SGMS1: variants seen among roughly 807,000 people sequenced by gnomAD.
SGMS1 encodes the protein sphingomyelin synthase 1.
In SGMS1, 13 loss-of-function variants were observed where a neutral mutation model predicts 46.2. The observed-to-expected ratio is 0.28, with a 90% CI of 0.18 to 0.45. The LOEUF (loss-of-function observed/expected upper bound fraction) is 0.45. Ranked by LOEUF, SGMS1 falls within the 20% of genes least tolerant of loss-of-function variation. The pLI, the probability that SGMS1 is intolerant of heterozygous loss-of-function variation, is 1.00. For missense variants in SGMS1, 324 were observed against 519.9 expected, an observed-to-expected ratio of 0.62 and a Z score of 3.66; for synonymous variants, 203 against 187.8, an observed-to-expected ratio of 1.08 and a Z score of -0.66.
rs57863390 is a variant in SGMS1, at chr10:50,563,290, G to C, written c.-589+26863C>G. Among the ~76,000 whole-genome samples, 507 of 152,302 alleles carry C rather than the reference G, an allele frequency of 3.3e-3. 1 individual carries two copies. Among genetic ancestry groups the C allele is most frequent in the Middle Eastern group, 0.014 (4 of 294 alleles). On this transcript the variant is annotated intron_variant, in intron 2 of 10. Transcript: ENST00000361781. ...ACTCCAAGACCATGCCTACAGGGCG[G>C]GCAGTCTGTACACACAGGGCAAACG...
At chr10:50,341,317 T>C (rs1455518173) in intron 7 of SGMS1, 1 of 455,948 alleles carries the variant, frequency 2.2e-6, no homozygotes, top group Non-Finnish European at 4.4e-6. Flanking sequence ...GTGGGCCAGA[T>C]ACACTGAAGA....
In SGMS1 at chr10:50,391,089, T is replaced by C. The variant is rs181430851; in HGVS notation, c.-232+42387A>G. ...CATCTCCAAGACCTGGTCAGAGGTA[T>C]TGAGAATTTTCCAAACAAAAGACAA... On this transcript the variant is annotated intron_variant, in intron 6 of 10. Coordinates refer to ENST00000361781, the MANE Select transcript of SGMS1 (RefSeq NM_147156.4). Among the ~76,000 whole-genome samples, 17 of 152,276 alleles carry C rather than the reference T, an allele frequency of 1.1e-4. No individual in the cohort carries two copies. The East Asian group carries it at 2.7e-3, about 24-fold the overall frequency.
intron 7 of SGMS1, among the ~76,000 whole-genome samples, chr10:50,329,561 T>C (rs1187013800): frequency 6.6e-6 from 1 of 152,236 alleles, no homozygotes; most frequent in African/African-American, 2.4e-5. Flanking sequence ...AGGATAAAAG[T>C]GTTTCAAGAA....
At chr10:50,458,339 C>CTCTTTTTTTTTTTTTTTTTTTTTT (rs1486288081) in intron 5 of SGMS1, among the ~76,000 whole-genome samples, 1 of 97,140 alleles carries the variant, frequency 1.0e-5, no homozygotes, top group Non-Finnish European at 1.9e-5. Context: ...TTCTTTTTCT[C>CTCTTTTTTTTTTTTTTTTTTTTTT]TTTTTTTTTT....
At chr10:50,534,832 T>C (rs561159848) in intron 2 of SGMS1, among the ~76,000 whole-genome samples, 30 of 152,318 alleles carry the variant, frequency 2.0e-4, no homozygotes, top group African/African-American at 7.0e-4. Context: ...GATAGCTGTG[T>C]TCTCACACCT....
chr10:50,567,193 C>A (rs1838296128), intron 2 of SGMS1, among the ~76,000 whole-genome samples: 1 of 152,196 alleles, frequency 6.6e-6, no homozygotes, highest in Non-Finnish European at 1.5e-5. Context: ...GATTCACCTG[C>A]CTTGGCCTCC....
intron 6 of SGMS1, among the ~76,000 whole-genome samples, chr10:50,422,204 G>A (rs1180940935): frequency 6.6e-6 from 1 of 152,148 alleles, no homozygotes; most frequent in Non-Finnish European, 1.5e-5. Context: ...AAATCCATCT[G>A]AGGTAGACGT....
At chr10:50,463,531 G>A (rs912251706) in intron 4 of SGMS1, among the ~76,000 whole-genome samples, 4 of 152,148 alleles carry the variant, frequency 2.6e-5, no homozygotes, top group Non-Finnish European at 5.9e-5. Context: ...GCAAGTGTTG[G>A]CAAAGATGTG....
intron 1 of SGMS1, among the ~76,000 whole-genome samples, chr10:50,610,800 C>A (rs1185387883): frequency 6.6e-6 from 1 of 152,190 alleles, no homozygotes; most frequent in African/African-American, 2.4e-5. Context: ...GTCGGTCTGA[C>A]CCTTACCAAG....
intron 5 of SGMS1, among the ~76,000 whole-genome samples, chr10:50,438,226 A>G (rs1333530001): frequency 6.6e-6 from 1 of 152,216 alleles, no homozygotes; most frequent in African/African-American, 2.4e-5. Flanking sequence ...CTTTCAGGAC[A>G]GGTTCTGTGA....
chr10:50,622,088 CTGCT>C (rs917679252), intron 1 of SGMS1, among the ~76,000 whole-genome samples: 14 of 152,200 alleles, frequency 9.2e-5, no homozygotes, highest in Admixed American at 3.3e-4. Context: ...GCACAGGCTG[CTGCT>C]TGCTTGCTTG....
chr10:50,372,498 TC>T (rs1395626672), intron 6 of SGMS1, among the ~76,000 whole-genome samples: 7 of 152,006 alleles, frequency 4.6e-5, no homozygotes, highest in African/African-American at 1.7e-4. Context: ...ATCAAGACCA[TC>T]CTGGCTAACA....
intron 6 of SGMS1, among the ~76,000 whole-genome samples, chr10:50,377,017 T>C (rs1487345928): frequency 2.6e-5 from 4 of 152,184 alleles, no homozygotes; most frequent in Admixed American, 2.6e-4. Flanking sequence ...CTTGCAACAG[T>C]CTCCCTGGAA....
intron 3 of SGMS1, among the ~76,000 whole-genome samples, chr10:50,487,437 G>A (rs977061812): frequency 6.6e-6 from 1 of 152,140 alleles, no homozygotes; most frequent in South Asian, 2.1e-4. Flanking sequence ...CATGGCACAT[G>A]TTTGCCTATG....
chr10:50,377,067 T>A (rs1848532396), intron 6 of SGMS1, among the ~76,000 whole-genome samples: 1 of 152,212 alleles, frequency 6.6e-6, no homozygotes, highest in South Asian at 2.1e-4. Context: ...TCTTAGCCTG[T>A]TTTCTGTTGC....
chr10:50,322,015 T>C (rs1271515330), intron 8 of SGMS1, among the ~76,000 whole-genome samples: 3 of 152,206 alleles, frequency 2.0e-5, no homozygotes, highest in Non-Finnish European at 4.4e-5. Context: ...TGTTCTGCTG[T>C]TGCATTTGTA....
intron 2 of SGMS1, among the ~76,000 whole-genome samples, chr10:50,550,657 T>G (rs964950137): frequency 1.3e-5 from 2 of 152,200 alleles, no homozygotes; most frequent in Non-Finnish European, 2.9e-5. Flanking sequence ...CTAATACACC[T>G]GCTTCTCTGA....
At chr10:50,343,234 T>G in intron 7 of SGMS1, 2 of 342,102 alleles carry the variant, frequency 5.8e-6, no homozygotes, top group African/African-American at 2.1e-5. Flanking sequence ...TCTTTCTTAT[T>G]AAGTGAAAAC....
intron 2 of SGMS1, among the ~76,000 whole-genome samples, chr10:50,569,469 G>C (rs1272978934): frequency 6.6e-6 from 1 of 151,946 alleles, no homozygotes; most frequent in African/African-American, 2.4e-5. Context: ...AGGTTCTCTG[G>C]GTTAGGTAGG....
Sources: allele counts gnomAD v4.1 joint callset (sites outside exome capture counted in the v4.1 genomes callset), GRCh38; gene constraint gnomAD v4.1.1; transcripts MANE v1.5; gene names NCBI Gene and HGNC (gene_info 2026-07-23, HGNC 2026-07-21).